Variants in CCDC180 observed in about 807,000 individuals in gnomAD.
CCDC180 encodes coiled-coil domain containing 180.
In CCDC180, 154 loss-of-function variants were observed where a neutral mutation model predicts 209.2. The observed-to-expected ratio is 0.74, with a 90% confidence interval of 0.65 to 0.84. The LOEUF is 0.84. Among genes scored for constraint, CCDC180 ranks in the 40% least tolerant of loss-of-function variants. The pLI, the probability that CCDC180 is intolerant of heterozygous loss-of-function variation, is 0.00. For missense variants in CCDC180, 1,874 were observed against 1,997.3 expected (o/e 0.94, Z 1.18); for synonymous variants, 778 against 749.1 (o/e 1.04, Z -0.63).
intron 18 of CCDC180, among the ~76,000 whole-genome samples, chr9:97,338,337 G>C (rs1262021397): frequency 6.6e-6 from 1 of 152,208 alleles, no homozygotes; most frequent in Non-Finnish European, 1.5e-5. Flanking sequence ...CTTTAAATGT[G>C]TCCCAGAGAT....
rs770878307 is a variant in CCDC180, at chr9:97,376,811, T to G, written c.4891T>G (p.Cys1631Gly). 23 of 1,613,458 alleles carry G rather than the reference T, an allele frequency of 1.4e-5. No individual in the cohort carries two copies. Among genetic ancestry groups the G allele is most frequent in the Non-Finnish European group, 2.5e-6 (3 of 1,179,964 alleles). The stretch of plus-strand genomic sequence containing the variant: ...GGAGCTAAAGAGGATCCAGGATGAC[T>G]GTACATCTCAGATAAAGGAGGCTCA... ...EEELKRIQDDCTSQIKEAQRW... is the reference protein window; with the variant it reads ...EEELKRIQDDGTSQIKEAQRW... Residue 1631 changes from cysteine (C) to glycine (G), a missense_variant, in exon 37 of 37, where the codon TGT (cysteine) becomes GGT (glycine). Transcript: ENST00000529487.
chr9:97,361,301 C>A (rs1331313099), intron 26 of CCDC180, among the ~76,000 whole-genome samples: 1 of 152,238 alleles, frequency 6.6e-6, no homozygotes, highest in Non-Finnish European at 1.5e-5. Context: ...ATCTGCAGGT[C>A]TAACTTCAAT....
At chr9:97,344,210 G>C (rs115011977) in intron 19 of CCDC180, among the ~76,000 whole-genome samples, 10 of 152,138 alleles carry the variant, frequency 6.6e-5, no homozygotes, top group Non-Finnish European at 1.2e-4. Context: ...TTTGGATGGC[G>C]TTCTCATTGT....
intron 16 of CCDC180, 100 bp from the exon 17 acceptor site, chr9:97,330,054 C>T (rs1319692426): frequency 1.4e-5 from 14 of 1,033,894 alleles, no homozygotes; most frequent in Middle Eastern, 3.2e-4. Context: ...GGCAACAGAG[C>T]CAGACTCCTC....
intron 3 of CCDC180, 31 bp from the exon 4 acceptor site, chr9:97,312,082 G>C (rs747932257): frequency 5.0e-6 from 8 of 1,599,134 alleles, no homozygotes; most frequent in Middle Eastern, 3.3e-4. Context: ...ATCAGGAGCT[G>C]GGACTTCACT....
At chr9:97,348,891 A>G (rs779621134) in intron 20 of CCDC180, among the ~76,000 whole-genome samples, 13 of 152,166 alleles carry the variant, frequency 8.5e-5, no homozygotes, top group Non-Finnish European at 1.6e-4. Flanking sequence ...TGCTCCGGGC[A>G]GGGTGTCTCC....
intron 16 of CCDC180, among the ~76,000 whole-genome samples, 154 bp from the exon 17 acceptor site, chr9:97,330,000 G>A (rs896824361): frequency 1.3e-5 from 2 of 150,712 alleles, no homozygotes; most frequent in African/African-American, 2.5e-5. Context: ...CCTGGGAGGC[G>A]GAGCTTGCAG....
rs756689348 is a variant in CCDC180 at position 97,314,877 on chromosome 9, A to G, written c.726A>G (p.Ala242=). The G allele has an allele frequency of 1.9e-6, 3 of 1,614,000 alleles. No individual in the cohort carries two copies. Among genetic ancestry groups the G allele is most frequent in the East Asian group, 2.2e-5 (1 of 44,894 alleles). Residue 242 remains alanine (A), a synonymous_variant, in exon 8 of 37, where the codon GCA becomes GCG. Coordinates refer to ENST00000529487, the MANE Select transcript of CCDC180 (RefSeq NM_020893.6). ...TAAAAAGCGTGTTGAAGAAATATGC[A>G]GAAGTCATAGAGAAAACTTCCTACC... The part of the protein sequence containing the change: ...DKLKSVLKKY[A]EVIEKTSYLM...
upstream of CCDC180, chr9:97,307,432 G>A (rs1046317211): frequency 5.2e-6 from 3 of 581,498 alleles, no homozygotes; most frequent in Admixed American, 6.9e-5. Flanking sequence ...CAATCTACCG[G>A]GCTCAGGGGG....
chr9:97,335,795 CAGTGTAAA>C (rs996581248), intron 18 of CCDC180, among the ~76,000 whole-genome samples: 15 of 152,218 alleles, frequency 9.9e-5, no homozygotes. Context: ...CTCCCACCAA[CAGTGTAAA>C]AGCATTCTTA....
rs1197718590 is a variant in CCDC180 at position 97,318,500 on chromosome 9, G to T, written c.997G>T (p.Ala333Ser). 2 of 1,613,658 alleles carry T rather than the reference G, an allele frequency of 1.2e-6. No homozygotes were observed. The highest frequency in any genetic ancestry group is 1.7e-6 in the Non-Finnish European group (2 of 1,179,940). ...MASESIHTPPAVTKELEVMLK... is the reference protein window; with the variant it reads ...MASESIHTPPSVTKELEVMLK... ...CAGTGAGAGTATCCATACTCCCCCG[G>T]CTGTGACGAAGGAGCTAGAGGTCAT... Residue 333 changes from alanine to serine, a missense_variant, in exon 10 of 37, where the codon GCT becomes TCT. By Grantham distance (99) the Ala-to-Ser change is moderately conservative (BLOSUM62 1). Coordinates refer to ENST00000529487, the MANE Select transcript of CCDC180 (RefSeq NM_020893.6).
In CCDC180 at chr9:97,362,232, C is replaced by A. The variant is rs1826777118; in HGVS notation, c.3693C>A (p.Asp1231Glu). 6.2e-7 allele frequency: 1 copy of A among 1,613,688 alleles called. No individual in the cohort carries two copies. Among genetic ancestry groups the A allele is most frequent in the South Asian group, 1.1e-5 (1 of 91,054 alleles). ...CAAAATGGCCAACCCACCATTGTGA[C>A]AAAGATCCGTCCCAGACAGGTAGAG... ...PNTKWPTHHC[D>E]KDPSQTGRGA... The change falls in exon 28 of 37, where the codon GAC (aspartate) becomes GAA (glutamate). Residue 1231 changes from aspartate to glutamate, a missense_variant. Asp to Glu is a conservative substitution (Grantham distance 45, BLOSUM62 2). Transcript: ENST00000529487.
chr9:97,336,219 A>T (rs1401553111), intron 18 of CCDC180, among the ~76,000 whole-genome samples: 1 of 152,160 alleles, frequency 6.6e-6, no homozygotes, highest in Non-Finnish European at 1.5e-5. Flanking sequence ...TTGGTGTTTT[A>T]GTCATGAAGT....
At chr9:97,362,632 C>A (rs1389209635) in intron 28 of CCDC180, among the ~76,000 whole-genome samples, 191 bp downstream of exon 28, 3 of 151,590 alleles carry the variant, frequency 2.0e-5, no homozygotes, top group African/African-American at 7.3e-5. Context: ...GCTGATGGAT[C>A]TCAGCCGTGC....
chr9:97,340,493 A>G (rs2118756668), intron 18 of CCDC180, among the ~76,000 whole-genome samples: 2 of 152,336 alleles, frequency 1.3e-5, no homozygotes, highest in East Asian at 1.9e-4. Flanking sequence ...TTATATACGA[A>G]TATCATTAAT....
intron 8 of CCDC180, 73 bp downstream of exon 8, chr9:97,315,019 CCTGGTGT>C: frequency 8.7e-7 from 1 of 1,153,468 alleles, no homozygotes; most frequent in Non-Finnish European, 1.3e-6. Flanking sequence ...GCACCCCGAG[CCTGGTGT>C]CTGGTGTCTC....
intron 16 of CCDC180, among the ~76,000 whole-genome samples, chr9:97,328,709 G>T (rs1238124392): frequency 6.6e-6 from 1 of 152,056 alleles, no homozygotes; most frequent in Non-Finnish European, 1.5e-5. Context: ...ACTACCAAGA[G>T]AAAGGCTCCC....
At chr9:97,322,705 C>A (rs1272287430) in intron 11 of CCDC180, 128 bp from the exon 12 acceptor site, 6 of 754,188 alleles carry the variant, frequency 8.0e-6, no homozygotes, top group South Asian at 1.6e-5. Context: ...TGATCTCAAT[C>A]GGGACCACTG....
chr9:97,376,874 A>C lies in CCDC180; in HGVS notation c.4954A>C (p.Ile1652Leu), dbSNP rs567880981. ...CAGCTGGAAGCAGTCCCTGCACACT[A>C]TCCAAGGCCTGTATGTGTGACCCTC... ...KDSWKQSLHT[I>L]QGLYV Residue 1652 changes from isoleucine to leucine, a missense_variant, in exon 37 of 37, where the codon ATC becomes CTC. Transcript: ENST00000529487. 1.9e-5 allele frequency: 30 copies of C among 1,612,308 alleles called. No individual in the cohort carries two copies. The highest frequency in any genetic ancestry group is 1.3e-4 in the Admixed American group (8 of 59,972).
Sources: allele counts gnomAD v4.1 joint callset (sites outside exome capture counted in the v4.1 genomes callset), GRCh38; gene constraint gnomAD v4.1.1; transcripts MANE v1.5; gene names NCBI Gene and HGNC (gene_info 2026-07-23, HGNC 2026-07-21).